The following CRADD variants were observed in gnomAD, a reference collection of about 807,000 sequenced individuals.
The protein encoded by CRADD is CARD and death domain containing adaptor protein.
In CRADD, 9 loss-of-function variants were observed where a neutral mutation model predicts 15.5. The ratio of observed to expected loss-of-function variants is 0.58; its 90% CI spans 0.35 to 1.01. The LOEUF (loss-of-function observed/expected upper bound fraction) is 1.01, where lower values mean the gene tolerates loss of function less well. Among genes scored for constraint, CRADD ranks in the 50% least tolerant of loss-of-function variants. The pLI is 0.02. For missense variants in CRADD, 227 were observed against 250.3 expected, an observed-to-expected ratio of 0.91 and a Z score of 0.63; for synonymous variants, 118 against 107.6, an observed-to-expected ratio of 1.10 and a Z score of -0.60.
chr12:93,873,559 C>T (rs1958437176), intron 2 of CRADD, among the ~76,000 whole-genome samples: 2 of 152,190 alleles, frequency 1.3e-5, no homozygotes, highest in South Asian at 4.1e-4. Flanking sequence ...TCATATCTGA[C>T]TTTTATTATA....
intron 2 of CRADD, among the ~76,000 whole-genome samples, chr12:93,778,109 G>C (rs1565910123): frequency 6.6e-6 from 1 of 152,136 alleles, no homozygotes; most frequent in Admixed American, 6.5e-5. Context: ...CCAAACAGAA[G>C]TCCTTTTCTT....
At chr12:93,748,352 C>T (rs1329283497) in intron 2 of CRADD, among the ~76,000 whole-genome samples, 2 of 152,184 alleles carry the variant, frequency 1.3e-5, no homozygotes, top group African/African-American at 4.8e-5. Flanking sequence ...GTTGCCCAGG[C>T]TGGAGCGCAA....
chr12:93,679,076 G>A lies in CRADD; in HGVS notation c.298+4G>A, dbSNP rs1226502101. On this transcript the variant is annotated splice_donor_region_variant and intron_variant, in intron 2 of 2. Transcript: ENST00000332896. Reference sequence around the variant, plus strand: ...GCCATGACCGACCTGCCTGCAGGTAGGCCTCAGAAAGATCACTTTGAACCA... The same window carrying A: ...GCCATGACCGACCTGCCTGCAGGTAAGCCTCAGAAAGATCACTTTGAACCA... The A allele has an allele frequency of 6.2e-7, 1 of 1,607,614 alleles. No individual in the cohort carries two copies.
intron 2 of CRADD, chr12:93,738,275 C>T: frequency 1.5e-6 from 1 of 672,800 alleles, no homozygotes; most frequent in Non-Finnish European, 2.7e-6. Context: ...AAGTGTCAGA[C>T]TGTGGGGATG....
chr12:93,888,557 G>A (rs1958554621), intron 2 of CRADD, among the ~76,000 whole-genome samples: 1 of 152,144 alleles, frequency 6.6e-6, no homozygotes, highest in African/African-American at 2.4e-5. Flanking sequence ...ATGATCATAT[G>A]TGTGTTTTAG....
chr12:93,701,336 TGTAA>T (rs1955841686), intron 2 of CRADD, among the ~76,000 whole-genome samples: 1 of 131,234 alleles, frequency 7.6e-6, no homozygotes, highest in African/African-American at 3.3e-5. Context: ...ACACACAATC[TGTAA>T]GTAGTCTCCA....
Position 93,718,224 on chromosome 12 carries a change from T to G in CRADD, c.298+39152T>G, listed in dbSNP as rs956078170. On this transcript the variant is annotated intron_variant, in intron 2 of 2. Coordinates refer to ENST00000332896, the MANE Select transcript of CRADD (RefSeq NM_003805.5). ...TCCACAAAATAGTGTGCTGGGATTT[T>G]TGTTGGGATTGCATTGAATCTATGA... 1.4e-4 allele frequency among the ~76,000 whole-genome samples: 22 copies of G among 152,336 alleles called. 3 individuals are homozygous for G. Among genetic ancestry groups the G allele is most frequent in the Admixed American group, 1.4e-3 (21 of 15,300 alleles).
intron 2 of CRADD, among the ~76,000 whole-genome samples, chr12:93,802,092 G>T (rs1957482574): frequency 6.6e-6 from 1 of 152,148 alleles, no homozygotes; most frequent in South Asian, 2.1e-4. Flanking sequence ...TCCATTCGTT[G>T]GTTGATGGCC....
chr12:93,782,740 G>C (rs1957226233), intron 2 of CRADD, among the ~76,000 whole-genome samples: 1 of 151,796 alleles, frequency 6.6e-6, no homozygotes, highest in Non-Finnish European at 1.5e-5. Flanking sequence ...TTTATTACAT[G>C]TTACTAAGGA....
At chr12:93,685,344 G>A (rs1955405836) in intron 2 of CRADD, among the ~76,000 whole-genome samples, 1 of 152,142 alleles carries the variant, frequency 6.6e-6, no homozygotes, top group Non-Finnish European at 1.5e-5. Flanking sequence ...TAGATGGGTG[G>A]AATAAGTTCT....
intron 2 of CRADD, among the ~76,000 whole-genome samples, chr12:93,847,467 C>A (rs1248035226): frequency 3.7e-5 from 4 of 108,112 alleles, no homozygotes; most frequent in African/African-American, 7.0e-5. Context: ...TGAAAGAAGT[C>A]AAGAGACTAT....
At chr12:93,736,162 T>G (rs757254846) in intron 2 of CRADD, among the ~76,000 whole-genome samples, 2 of 152,158 alleles carry the variant, frequency 1.3e-5, no homozygotes, top group African/African-American at 2.4e-5. Context: ...AGAAAGACTT[T>G]TGGGGAGCAT....
chr12:93,693,197 C>A (rs1482917537), intron 2 of CRADD, among the ~76,000 whole-genome samples: 1 of 152,114 alleles, frequency 6.6e-6, no homozygotes, highest in East Asian at 1.9e-4. Flanking sequence ...ATCTACAAAG[C>A]AACCAGGAAA....
intron 2 of CRADD, chr12:93,846,581 A>AACACACACACACACACACAC (rs746253043): frequency 7.3e-6 from 1 of 136,704 alleles, no homozygotes; most frequent in African/African-American, 2.8e-5. Flanking sequence ...TTAAAACCAG[A>AACACACACACACACACACAC]ACACACACAC....
chr12:93,884,953 T>A (rs1348469071), intron 2 of CRADD, among the ~76,000 whole-genome samples: 1 of 152,172 alleles, frequency 6.6e-6, no homozygotes, highest in East Asian at 1.9e-4. Flanking sequence ...AACTACAAGT[T>A]GCTATCTCTG....
intron 2 of CRADD, among the ~76,000 whole-genome samples, chr12:93,789,897 C>G (rs1400686482): frequency 6.6e-6 from 1 of 152,142 alleles, no homozygotes; most frequent in African/African-American, 2.4e-5. Flanking sequence ...CTGTTTTGTT[C>G]TCCTCCCTCC....
intron 2 of CRADD, among the ~76,000 whole-genome samples, chr12:93,711,229 T>C (rs1956067720): frequency 6.6e-6 from 1 of 151,896 alleles, no homozygotes; most frequent in Non-Finnish European, 1.5e-5. Flanking sequence ...ACAAGTAAAC[T>C]CAGGAAAAGA....
At chr12:93,876,155 C>G (rs1343124771) in intron 2 of CRADD, among the ~76,000 whole-genome samples, 2 of 152,094 alleles carry the variant, frequency 1.3e-5, no homozygotes, top group African/African-American at 2.4e-5. Context: ...GTCTATTTCT[C>G]TTTTCATTTC....
At chr12:93,792,679 T>C (rs915183757) in intron 2 of CRADD, among the ~76,000 whole-genome samples, 2 of 152,208 alleles carry the variant, frequency 1.3e-5, no homozygotes, top group African/African-American at 4.8e-5. Context: ...GTTTCAGTTA[T>C]GGACACTCAT....
Sources: gnomAD v4.1 joint callset for allele counts (sites outside exome capture counted in the v4.1 genomes callset) on GRCh38, gnomAD v4.1.1 for gene constraint, MANE v1.5 for transcripts, NCBI Gene and HGNC (gene_info 2026-07-23, HGNC 2026-07-21) for gene names.